The following IL7R variants were observed in gnomAD, a reference collection of about 807,000 sequenced individuals.
IL7R encodes the protein interleukin-7 receptor subunit alpha.
Under a neutral mutation model 47.0 loss-of-function variants are expected in IL7R, and 38 were observed. That is an observed-to-expected ratio of 0.81 (90% CI 0.62 to 1.06). IL7R has a LOEUF of 1.06. Ranked by LOEUF, IL7R falls within the 50% of genes least tolerant of loss-of-function variation. The pLI is 0.00. For synonymous variants in IL7R, 221 were observed against 199.8 expected (o/e 1.11, Z -0.89); for missense variants, 633 against 534.8 (o/e 1.18, Z -1.81).
At chr5:35,872,981 T>C (rs1255669645) in intron 4 of IL7R, among the ~76,000 whole-genome samples, 1 of 152,050 alleles carries the variant, frequency 6.6e-6, no homozygotes, top group Non-Finnish European at 1.5e-5. Flanking sequence ...CAGATATAAA[T>C]AGCAATGGAC....
intron 1 of IL7R, among the ~76,000 whole-genome samples, chr5:35,859,673 C>T (rs562496927): frequency 4.6e-5 from 7 of 152,250 alleles, no homozygotes; most frequent in African/African-American, 1.7e-4. Context: ...TCACAGTCAG[C>T]TTTATTAACT....
At chr5:35,860,541 G>T (rs1759774461) in intron 1 of IL7R, among the ~76,000 whole-genome samples, 1 of 152,138 alleles carries the variant, frequency 6.6e-6, no homozygotes, top group South Asian at 2.1e-4. Flanking sequence ...ATACAGAAAA[G>T]AATGTGTTCA....
intron 4 of IL7R, 63 bp downstream of exon 4, chr5:35,871,276 A>G: frequency 7.3e-7 from 1 of 1,374,568 alleles, no homozygotes; most frequent in African/African-American, 1.4e-5. Context: ...TTGTTGGCCT[A>G]GTAGTGCATT....
At chr5:35,874,217 C>T (rs1215175132) in intron 5 of IL7R, among the ~76,000 whole-genome samples, 1 of 152,162 alleles carries the variant, frequency 6.6e-6, no homozygotes, top group Non-Finnish European at 1.5e-5. Context: ...ACCTTTGATG[C>T]TAGATCACGT....
chr5:35,876,371 A>T lies in IL7R; in HGVS notation c.1265A>T (p.Gln422Leu), dbSNP rs770335655. The T allele has an allele frequency of 2.5e-6, 4 of 1,613,548 alleles. No individual in the cohort carries two copies. The highest frequency in any genetic ancestry group is 3.4e-6 in the Non-Finnish European group (4 of 1,179,744). ...ACGCTGCCCCCTCCATTTTCTCTCC[A>T]ATCTGGAATCCTGACATTGAACCCA... is the stretch of plus-strand genomic sequence containing the variant. ...NSTLPPPFSL[Q>L]SGILTLNPVA... Residue 422 changes from glutamine (Q) to leucine (L), a missense_variant, in exon 8 of 8, where the codon CAA (glutamine) becomes CTA (leucine). Coordinates refer to ENST00000303115, the MANE Select transcript of IL7R (RefSeq NM_002185.5).
chr5:35,862,051 T>C (rs754250022), intron 2 of IL7R, among the ~76,000 whole-genome samples: 2 of 152,120 alleles, frequency 1.3e-5, no homozygotes, highest in Non-Finnish European at 2.9e-5. Context: ...ATTTATGGAG[T>C]GCTTTCTGCT....
chr5:35,860,783 G>T, intron 1 of IL7R, 69 bp from the exon 2 acceptor site: 1 of 1,448,918 alleles, frequency 6.9e-7, no homozygotes, highest in Non-Finnish European at 9.7e-7. Flanking sequence ...ATTTTATTAA[G>T]GTCATGCCAT....
intron 2 of IL7R, among the ~76,000 whole-genome samples, chr5:35,863,742 C>T (rs939381210): frequency 6.6e-6 from 1 of 152,110 alleles, no homozygotes; most frequent in East Asian, 1.9e-4. Context: ...GTGTTTATCA[C>T]AGAAGAGGAA....
At chr5:35,871,689 T>C (rs1760078441) in intron 4 of IL7R, among the ~76,000 whole-genome samples, 1 of 152,192 alleles carries the variant, frequency 6.6e-6, no homozygotes, top group Admixed American at 6.5e-5. Flanking sequence ...AAGGTCTTTG[T>C]TTTTGAAGTA....
chr5:35,876,234 A>C lies in IL7R; in HGVS notation c.1128A>C (p.Ala376=). ...CATGCCTGGCTGGGAATGTCAGTGC[A>C]TGTGACGCCCCTATTCTCTCCTCTT... ...SLTCLAGNVS[A]CDAPILSSSR... The change falls in exon 8 of 8, where the codon GCA becomes GCC. Residue 376 remains alanine (A), a synonymous_variant. Transcript: ENST00000303115. 6 of 1,614,166 alleles carry C rather than the reference A, an allele frequency of 3.7e-6. No homozygotes were observed. Among genetic ancestry groups the C allele is most frequent in the Non-Finnish European group, 5.1e-6 (6 of 1,180,022 alleles).
At chr5:35,861,268 C>A (rs771779764) in intron 2 of IL7R, among the ~76,000 whole-genome samples, 14 of 152,080 alleles carry the variant, frequency 9.2e-5, no homozygotes, top group Non-Finnish European at 2.1e-4. Context: ...GAATTTAAAT[C>A]CTGCGTCTCC....
At position 35,876,114 on chromosome 5, in the gene IL7R, G is replaced by A. The variant is rs1760201516; in HGVS notation, c.1008G>A (p.Glu336=). The A allele has an allele frequency of 3.1e-6, 5 of 1,614,080 alleles. No individual in the cohort carries two copies. The East Asian group carries it at 1.1e-4, about 36-fold the overall frequency. ...DTFPQQLEES[E]KQRLGGDVQS... ...TTCCTCAGCAACTAGAAGAATCTGA[G>A]AAGCAGAGGCTTGGAGGGGATGTGC... The change falls in exon 8 of 8, where the codon GAG becomes GAA. Residue 336 remains glutamate, a synonymous_variant. Transcript: ENST00000303115.
chr5:35,865,199 A>G (rs765702039), intron 2 of IL7R, among the ~76,000 whole-genome samples: 1 of 152,154 alleles, frequency 6.6e-6, no homozygotes, highest in Non-Finnish European at 1.5e-5. Context: ...TATGAGTGAG[A>G]ACATGCAGTG....
In IL7R at chr5:35,879,114, G is replaced by A. The variant is rs148781726; in HGVS notation, c.*2628G>A. 105 of 232,876 alleles carry A rather than the reference G, an allele frequency of 4.5e-4. No individual in the cohort carries two copies. The highest frequency in any genetic ancestry group is 1.5e-4 in the Non-Finnish European group (18 of 117,824). The allele number at this position is 232,876 out of a possible 1,614,324, so 14.4% of individuals were successfully genotyped here. A position where few individuals can be genotyped will look rare whatever the true frequency, so the allele number is the denominator to read the frequency against. On this transcript the variant is annotated 3_prime_UTR_variant, in exon 8 of 8. Transcript: ENST00000303115. ...AATAAACCTCCTGATCGGAGACAAT[G>A]TATTAATCAGAAGTGTAAACTGCCA...
intron 1 of IL7R, among the ~76,000 whole-genome samples, chr5:35,859,468 G>A (rs540802365): frequency 2.6e-5 from 4 of 152,256 alleles, no homozygotes; most frequent in Admixed American, 2.0e-4. Context: ...GTCATCAGAA[G>A]GAGGGCCATA....
Position 35,873,570 on chromosome 5 carries a change from G to A in IL7R, c.628G>A (p.Asp210Asn), listed in dbSNP as rs2149903401. ...TGAGATTAAAGTTCGATCCATCCCT[G>A]ATCACTATTTTAAAGGCTTCTGGAG... ...MYEIKVRSIP[D>N]HYFKGFWSEW... The change falls in exon 5 of 8, where the codon GAT (aspartate) becomes AAT (asparagine). Residue 210 changes from aspartate to asparagine, a missense_variant. Transcript: ENST00000303115. The A allele has an allele frequency of 6.2e-7, 1 of 1,613,946 alleles. No individual in the cohort carries two copies. Among genetic ancestry groups the A allele is most frequent in the African/African-American group, 1.3e-5 (1 of 75,028 alleles).
rs2149905558 is a variant in IL7R, at chr5:35,876,150, C to T, written c.1044C>T (p.Asn348=). 6.2e-7 allele frequency: 1 copy of T among 1,614,166 alleles called. No homozygotes were observed. The highest frequency in any genetic ancestry group is 1.6e-4 in the Middle Eastern group (1 of 6,062). ...TTGGAGGGGATGTGCAGAGCCCCAA[C>T]TGCCCATCTGAGGATGTAGTCATCA... is the stretch of plus-strand genomic sequence containing the variant. The part of the protein sequence containing the change: ...QRLGGDVQSP[N]CPSEDVVITP... The change falls in exon 8 of 8, where the codon AAC becomes AAT. Residue 348 remains asparagine, a synonymous_variant. Transcript: ENST00000303115.
At chr5:35,858,517 T>C (rs1035646685) in intron 1 of IL7R, among the ~76,000 whole-genome samples, 15 of 152,342 alleles carry the variant, frequency 9.8e-5, no homozygotes, top group Non-Finnish European at 2.2e-4. Flanking sequence ...TGGATAAATA[T>C]GTCTAGATAC....
In IL7R at chr5:35,857,075, G is replaced by A. The variant is rs1353252; in HGVS notation, c.82+16G>A. ...GCTCAAAATGGTGAGTCATTTCTAA[G>A]TTTTCTTATGGATTTTGGATTATCT... On this transcript the variant is annotated intron_variant, in intron 1 of 7. Transcript: ENST00000303115. 1.3e-6 allele frequency: 2 copies of A among 1,508,368 alleles called. No individual in the cohort carries two copies. The highest frequency in any genetic ancestry group is 1.8e-6 in the Non-Finnish European group (2 of 1,084,654). 93.4% of individuals were successfully genotyped at this position (1,508,368 alleles called of 1,614,324 possible). A position where few individuals can be genotyped will look rare whatever the true frequency, so the allele number is the denominator to read the frequency against.
Sources: gnomAD v4.1 joint callset for allele counts (sites outside exome capture counted in the v4.1 genomes callset) on GRCh38, gnomAD v4.1.1 for gene constraint, MANE v1.5 for transcripts, NCBI Gene and HGNC (gene_info 2026-07-23, HGNC 2026-07-21) for gene names.